Variants in SUGCT observed in about 807,000 individuals in gnomAD.
SUGCT encodes succinyl-CoA:glutarate-CoA transferase.
Under a neutral mutation model 55.0 loss-of-function variants are expected in SUGCT, and 41 were observed. That is an observed-to-expected ratio of 0.74 (90% confidence interval 0.58 to 0.97). The LOEUF (loss-of-function observed/expected upper bound fraction) is 0.97, where lower values mean the gene tolerates loss of function less well. SUGCT is among the 50% of genes least tolerant of loss of function. SUGCT has a pLI of 0.00. For missense variants in SUGCT, 568 were observed against 547.8 expected, an observed-to-expected ratio of 1.04 and a Z score of -0.37; for synonymous variants, 187 against 200.4, an observed-to-expected ratio of 0.93 and a Z score of 0.56.
chr7:40,509,220 C>G (rs1792790392), intron 12 of SUGCT, among the ~76,000 whole-genome samples: 1 of 152,148 alleles, frequency 6.6e-6, no homozygotes, highest in African/African-American at 2.4e-5. Flanking sequence ...CAGTCATATT[C>G]TCAAGTTTTT....
chr7:40,143,309 A>T (rs553245267), intron 1 of SUGCT, among the ~76,000 whole-genome samples: 1 of 152,358 alleles, frequency 6.6e-6, no homozygotes, highest in South Asian at 2.1e-4. Context: ...TCTCCAAGGA[A>T]TGCCAAATTT....
the SUGCT span, among the ~76,000 whole-genome samples, chr7:40,897,830 GCTCT>G: frequency 6.6e-6 from 1 of 152,180 alleles, no homozygotes; most frequent in African/African-American, 2.4e-5. Context: ...GCACCAATCA[GCTCT>G]CTGTCAAAAC....
chr7:40,182,972 C>G (rs1030268364), intron 3 of SUGCT, among the ~76,000 whole-genome samples: 5 of 152,112 alleles, frequency 3.3e-5, no homozygotes, highest in Admixed American at 3.3e-4. Flanking sequence ...GAATCACAGT[C>G]CCTCAAAAAA....
At chr7:40,949,267 CTG>C in the SUGCT span, among the ~76,000 whole-genome samples, 1 of 152,192 alleles carries the variant, frequency 6.6e-6, no homozygotes, top group Non-Finnish European at 1.5e-5. Context: ...TGAGAAGTGT[CTG>C]TTCATATCCT....
Position 40,506,275 on chromosome 7 carries a change from T to C in SUGCT, c.1089+9889T>C, listed in dbSNP as rs575950466. On this transcript the variant is annotated intron_variant, in intron 12 of 13. Coordinates refer to ENST00000335693, the MANE Select transcript of SUGCT (RefSeq NM_001193313.2). ...AAAAATATTTTGCTGGGTATGATTC[T>C]TGTTAGACAGTTTCTTCCTCTGAAC... Among the ~76,000 whole-genome samples, 5 of 152,284 alleles carry C rather than the reference T, an allele frequency of 3.3e-5. No individual in the cohort carries two copies. The South Asian group carries it at 1.0e-3, about 32-fold the overall frequency.
At chr7:40,738,325 A>G (rs1474269449) in intron 12 of SUGCT, among the ~76,000 whole-genome samples, 3 of 152,144 alleles carry the variant, frequency 2.0e-5, no homozygotes, top group South Asian at 2.1e-4. Context: ...TAGGGGGCCA[A>G]AAATAGGCAC....
intron 10 of SUGCT, among the ~76,000 whole-genome samples, chr7:40,454,661 G>A (rs1230261433): frequency 2.0e-5 from 3 of 152,126 alleles, no homozygotes; most frequent in Non-Finnish European, 4.4e-5. Flanking sequence ...TTGATTAACT[G>A]CATATTTTTT....
At chr7:40,662,654 T>C (rs1046460590) in intron 12 of SUGCT, among the ~76,000 whole-genome samples, 2 of 152,212 alleles carry the variant, frequency 1.3e-5, no homozygotes, top group Admixed American at 6.5e-5. Flanking sequence ...TCCTCCTCTT[T>C]CAGGTCTCAT....
intron 13 of SUGCT, among the ~76,000 whole-genome samples, chr7:40,782,057 C>A (rs1434264777): frequency 6.6e-6 from 1 of 151,862 alleles, no homozygotes; most frequent in Non-Finnish European, 1.5e-5. Flanking sequence ...TCTTCTTTAT[C>A]TTTCTTCAGT....
chr7:40,141,613 G>A (rs1787985173), intron 1 of SUGCT, among the ~76,000 whole-genome samples: 2 of 142,852 alleles, frequency 1.4e-5, no homozygotes, highest in South Asian at 4.4e-4. Context: ...TAGCCTGGGC[G>A]ACAGACAGTG....
intron 12 of SUGCT, among the ~76,000 whole-genome samples, chr7:40,695,261 G>A (rs1208285938): frequency 1.3e-5 from 2 of 150,652 alleles, no homozygotes; most frequent in African/African-American, 2.4e-5. Flanking sequence ...GCAGTGGTGC[G>A]ATCATGGCTC....
At chr7:40,630,935 A>T (rs1799763005) in intron 12 of SUGCT, among the ~76,000 whole-genome samples, 1 of 152,156 alleles carries the variant, frequency 6.6e-6, no homozygotes, top group Non-Finnish European at 1.5e-5. Flanking sequence ...AAATCTTATG[A>T]TATGGGTGTC....
At chr7:41,014,571 G>C in the SUGCT span, among the ~76,000 whole-genome samples, 1 of 152,290 alleles carries the variant, frequency 6.6e-6, no homozygotes, top group South Asian at 2.1e-4. Context: ...TTGAGTCCCA[G>C]CTGAGGACTT....
intron 9 of SUGCT, among the ~76,000 whole-genome samples, chr7:40,368,266 C>G (rs546829709): frequency 6.7e-6 from 1 of 149,176 alleles, no homozygotes; most frequent in Non-Finnish European, 1.5e-5. Flanking sequence ...TGGCTGATCT[C>G]GGCTCACTGC....
At chr7:40,622,713 GTGTGTGTGTC>G (rs1269917122) in intron 12 of SUGCT, among the ~76,000 whole-genome samples, 3 of 151,890 alleles carry the variant, frequency 2.0e-5, no homozygotes, top group Admixed American at 6.6e-5. Flanking sequence ...GTGTGTTTGT[GTGTGTGTGTC>G]TGTGTGTGTC....
intron 12 of SUGCT, among the ~76,000 whole-genome samples, chr7:40,685,453 C>T (rs1301324873): frequency 6.6e-6 from 1 of 152,082 alleles, no homozygotes; most frequent in African/African-American, 2.4e-5. Flanking sequence ...CCCTGTTTTC[C>T]TATTGGAAAA....
At chr7:40,898,879 G>A in the SUGCT span, among the ~76,000 whole-genome samples, 1 of 152,060 alleles carries the variant, frequency 6.6e-6, no homozygotes, top group South Asian at 2.1e-4. Context: ...CCTAGATCAG[G>A]GACAGTCAAA....
chr7:41,026,720 G>A, the SUGCT span, among the ~76,000 whole-genome samples: 1 of 152,128 alleles, frequency 6.6e-6, no homozygotes, highest in African/African-American at 2.4e-5. Context: ...TTTCATAGAA[G>A]CTGGTTGTCT....
chr7:40,388,876 TC>T (rs981817800), intron 9 of SUGCT, among the ~76,000 whole-genome samples: 25 of 152,290 alleles, frequency 1.6e-4, no homozygotes, highest in Admixed American at 1.3e-3. Context: ...TTGTTTTTTC[TC>T]AGAAAGAGTC....
Sources: allele counts gnomAD v4.1 joint callset (sites outside exome capture counted in the v4.1 genomes callset), GRCh38; gene constraint gnomAD v4.1.1; transcripts MANE v1.5; gene names NCBI Gene and HGNC (gene_info 2026-07-23, HGNC 2026-07-21).